KIF26B: variants seen among roughly 807,000 people sequenced by gnomAD.
KIF26B encodes kinesin-like protein KIF26B.
A neutral mutation model predicts 151.2 loss-of-function variants in KIF26B; 63 were observed. The ratio of observed to expected loss-of-function variants is 0.42; its 90% CI spans 0.34 to 0.51. KIF26B has a LOEUF of 0.51. Among genes scored for constraint, KIF26B ranks in the 20% least tolerant of loss-of-function variants. The pLI is 0.07. For synonymous variants in KIF26B, 1,357 were observed against 1,262.1 expected (o/e 1.08, Z -1.59); for missense variants, 2,813 against 2,913.6 (o/e 0.97, Z 0.79).
chr1:245,320,291 C>A (rs565211227), intron 2 of KIF26B, among the ~76,000 whole-genome samples: 18 of 152,202 alleles, frequency 1.2e-4, no homozygotes, highest in Non-Finnish European at 2.5e-4. Flanking sequence ...CCCTTTACTA[C>A]TTTATTATTA....
chr1:245,602,521 C>T lies in KIF26B; in HGVS notation c.1351-56C>T. 1 of 1,404,662 alleles carries T rather than the reference C, an allele frequency of 7.1e-7. No homozygotes were observed. The highest frequency in any genetic ancestry group is 1.4e-5 in the African/African-American group (1 of 70,496). 87.0% of individuals were successfully genotyped at this position (1,404,662 alleles called of 1,614,324 possible). ...TATCGCAGAGTATACAAGGGTGCTC[C>T]ATCGTAAAACACCCAGCTGTCTTCA... On this transcript the variant is annotated intron_variant, in intron 5 of 14. Coordinates refer to ENST00000407071, the MANE Select transcript of KIF26B (RefSeq NM_018012.4). This position sits in a 1 kb window ranked among gnomAD's most constrained non-coding sequence, Gnocchi z 4.5.
intron 3 of KIF26B, among the ~76,000 whole-genome samples, chr1:245,414,666 A>G (rs1167506188): frequency 6.6e-6 from 1 of 152,240 alleles, no homozygotes; most frequent in South Asian, 2.1e-4. Flanking sequence ...TTTGACCTCA[A>G]GACTTGGCTA....
Position 245,367,001 on chromosome 1 carries a change from T to C in KIF26B, c.633T>C (p.Ser211=), listed in dbSNP as rs1432738258. 1 of 1,613,622 alleles carries C rather than the reference T, an allele frequency of 6.2e-7. No homozygotes were observed. The highest frequency in any genetic ancestry group is 8.5e-7 in the Non-Finnish European group (1 of 1,179,852). Residue 211 remains serine (S), a synonymous_variant, in exon 3 of 15, where the codon AGT becomes AGC. Coordinates refer to ENST00000407071, the MANE Select transcript of KIF26B (RefSeq NM_018012.4). This position sits in a 1 kb window ranked among gnomAD's most constrained non-coding sequence, Gnocchi z 4.2. ...MVLTLEQAAG[S]EHYDASPCSP... is the part of the protein sequence containing the mutation. ...TGACGTTGGAGCAGGCAGCCGGCAG[T>C]GAGCACTACGACGCCTCGCCCTGCT...
intron 9 of KIF26B, among the ~76,000 whole-genome samples, chr1:245,629,895 G>GAAAA (rs34461703): frequency 6.6e-6 from 1 of 151,458 alleles, no homozygotes; most frequent in African/African-American, 2.4e-5. Context: ...AAATTTACAA[G>GAAAA]AAAAACAAAC....
intron 2 of KIF26B, among the ~76,000 whole-genome samples, chr1:245,365,497 G>A (rs1429087414): frequency 4.1e-5 from 6 of 146,928 alleles, no homozygotes; most frequent in Non-Finnish European, 7.4e-5. Flanking sequence ...TTCCTGCCCC[G>A]TCACTGCCTC....
At position 245,702,913 on chromosome 1, in the gene KIF26B, G is replaced by A; in HGVS notation, c.*307G>A. ...TTGTACATAAGAACTGCTAGCAAAA[G>A]AGACCTCACTCTTCTCTTGCTTTCG... On this transcript the variant is annotated 3_prime_UTR_variant, in exon 15 of 15. Coordinates refer to ENST00000407071, the MANE Select transcript of KIF26B (RefSeq NM_018012.4). The surrounding 1 kb of genome is among the most constrained non-coding windows in gnomAD (Gnocchi z 4.1). 3.3e-6 allele frequency: 1 copy of A among 307,114 alleles called. No individual in the cohort carries two copies. Among genetic ancestry groups the A allele is most frequent in the African/African-American group, 2.1e-5 (1 of 47,064 alleles). 19.0% of individuals were successfully genotyped at this position (307,114 alleles called of 1,614,324 possible).
chr1:245,531,355 C>T (rs1661354259), intron 4 of KIF26B, among the ~76,000 whole-genome samples: 1 of 152,050 alleles, frequency 6.6e-6, no homozygotes, highest in Admixed American at 6.5e-5. Context: ...AATGCAAGTC[C>T]CAGGTCTGAG....
intron 2 of KIF26B, among the ~76,000 whole-genome samples, chr1:245,261,115 G>A (rs530526264): frequency 1.0e-4 from 13 of 125,338 alleles, no homozygotes; most frequent in East Asian, 2.5e-4. Flanking sequence ...TCCTTCCTCC[G>A]TTCCTTCCTT....
intron 12 of KIF26B, among the ~76,000 whole-genome samples, chr1:245,695,821 CCT>C (rs2044686347): frequency 4.1e-5 from 1 of 24,448 alleles, no homozygotes. Context: ...GGTGTTTTTA[CCT>C]TCTCTACTCC....
intron 5 of KIF26B, among the ~76,000 whole-genome samples, chr1:245,551,353 A>G (rs1661876108): frequency 6.6e-6 from 1 of 152,222 alleles, no homozygotes; most frequent in Non-Finnish European, 1.5e-5. Flanking sequence ...TGTTTTAAAC[A>G]TTTTAAGAAA....
At chr1:245,691,377 C>T (rs531078611) in intron 12 of KIF26B, among the ~76,000 whole-genome samples, 1 of 152,170 alleles carries the variant, frequency 6.6e-6, no homozygotes, top group African/African-American at 2.4e-5. Context: ...ATTAAAATGC[C>T]AGGGCAGGTG....
Position 245,707,624 on chromosome 1 carries a change from C to T in KIF26B, c.*5018C>T, listed in dbSNP as rs2044858841. 6.6e-6 allele frequency: 1 copy of T among 152,154 alleles called. No individual in the cohort carries two copies. The highest frequency in any genetic ancestry group is 1.5e-5 in the Non-Finnish European group (1 of 68,036). The allele number at this position is 152,154 out of a possible 1,614,324, so 9.4% of individuals were successfully genotyped here. Reference sequence around the variant, plus strand: ...CATGTTTTTCTCACTCAAGCAAAGTCTGTTAGTGGAAACATGGGCTGGGGG... The same window carrying T: ...CATGTTTTTCTCACTCAAGCAAAGTTTGTTAGTGGAAACATGGGCTGGGGG... On this transcript the variant is annotated 3_prime_UTR_variant, in exon 15 of 15. Transcript: ENST00000407071.
At chr1:245,355,761 G>A (rs1365805852) in intron 2 of KIF26B, among the ~76,000 whole-genome samples, 2 of 152,140 alleles carry the variant, frequency 1.3e-5, no homozygotes, top group African/African-American at 4.8e-5. Flanking sequence ...GAATTATTTT[G>A]TATAATAAGC....
At position 245,668,220 on chromosome 1, in the gene KIF26B, G is replaced by A. The variant is rs752471051; in HGVS notation, c.2259-16013G>A. Among the ~76,000 whole-genome samples the A allele has an allele frequency of 4.6e-5, 7 of 152,212 alleles. No individual in the cohort carries two copies. The South Asian group carries it at 8.3e-4, about 18-fold the overall frequency. On this transcript the variant is annotated intron_variant, in intron 10 of 14. Transcript: ENST00000407071. ...CCCCTATTTCCTTATCTTCTTATCCGCAGCAGGACTTTGAGAAACGGCTCA... is the reference window on the plus strand; with the variant it reads ...CCCCTATTTCCTTATCTTCTTATCCACAGCAGGACTTTGAGAAACGGCTCA...
intron 12 of KIF26B, among the ~76,000 whole-genome samples, chr1:245,693,959 G>T (rs1439982047): frequency 2.0e-5 from 3 of 152,194 alleles, no homozygotes; most frequent in Non-Finnish European, 2.9e-5. Flanking sequence ...ACAGTTGGGG[G>T]AAAAGGAGGA....
chr1:245,559,680 G>A (rs762941926), intron 5 of KIF26B, among the ~76,000 whole-genome samples: 16 of 152,130 alleles, frequency 1.1e-4, no homozygotes, highest in Admixed American at 3.3e-4. Flanking sequence ...CCAAAGTGCT[G>A]GGACTACAGG....
intron 2 of KIF26B, among the ~76,000 whole-genome samples, chr1:245,348,762 T>A (rs1379443625): frequency 6.6e-6 from 1 of 152,146 alleles, no homozygotes; most frequent in Admixed American, 6.5e-5. Flanking sequence ...TCCTCATTCA[T>A]CCCACTCCAG....
intron 6 of KIF26B, among the ~76,000 whole-genome samples, chr1:245,605,100 C>T (rs755541917): frequency 1.3e-5 from 2 of 152,200 alleles, no homozygotes; most frequent in Non-Finnish European, 2.9e-5. Context: ...GCGAGTCACT[C>T]AACCTCTCTG....
chr1:245,692,146 G>GT (rs1314781615), intron 12 of KIF26B, among the ~76,000 whole-genome samples: 1 of 152,194 alleles, frequency 6.6e-6, no homozygotes, highest in Admixed American at 6.5e-5. Context: ...AGTCAGTGGG[G>GT]TTTATTTTCA....
Sources: gnomAD v4.1 joint callset for allele counts (sites outside exome capture counted in the v4.1 genomes callset) on GRCh38, gnomAD v4.1.1 for gene constraint, Gnocchi (gnomAD v3.1) non-coding constraint, MANE v1.5 for transcripts, NCBI Gene and HGNC (gene_info 2026-07-23, HGNC 2026-07-21) for gene names.